The following RPS6KC1 variants were observed in gnomAD, a reference collection of about 807,000 sequenced individuals.
RPS6KC1 encodes the protein inactive ribosomal protein S6 kinase delta-1.
In RPS6KC1, 54 loss-of-function variants were observed where a neutral mutation model predicts 103.8. The ratio of observed to expected loss-of-function variants is 0.52; its 90% CI spans 0.42 to 0.65. The LOEUF (loss-of-function observed/expected upper bound fraction) is 0.65, where lower values mean the gene tolerates loss of function less well. RPS6KC1 is among the 30% of genes least tolerant of loss of function. The pLI, the probability that RPS6KC1 is intolerant of heterozygous loss-of-function variation, is 0.00. For missense variants in RPS6KC1, 1,151 were observed against 1,253.8 expected (o/e 0.92, Z 1.24); for synonymous variants, 439 against 438.7 (o/e 1.00, Z -0.01).
chr1:213,710,423 T>G, the RPS6KC1 span, among the ~76,000 whole-genome samples: 1 of 152,222 alleles, frequency 6.6e-6, no homozygotes, highest in African/African-American at 2.4e-5. Flanking sequence ...GCACGTGAGA[T>G]GAGTCTCCTA....
intron 6 of RPS6KC1, 119 bp downstream of exon 6, chr1:213,130,008 C>A: frequency 9.5e-7 from 1 of 1,052,738 alleles, no homozygotes; most frequent in Non-Finnish European, 1.3e-6. Context: ...TGAGAAATTA[C>A]TGAAGCTTAA....
the RPS6KC1 span, among the ~76,000 whole-genome samples, chr1:213,367,840 A>G: frequency 2.0e-5 from 3 of 152,232 alleles, no homozygotes; most frequent in Non-Finnish European, 2.9e-5. Context: ...ATCTTCAGAA[A>G]TAGTAGAAAG....
chr1:213,166,735 G>C (rs922211523), intron 6 of RPS6KC1, among the ~76,000 whole-genome samples: 2 of 152,168 alleles, frequency 1.3e-5, no homozygotes, highest in African/African-American at 4.8e-5. Flanking sequence ...TCCCAACTTT[G>C]TTGCAGCTTT....
At chr1:213,367,510 C>T in the RPS6KC1 span, among the ~76,000 whole-genome samples, 1 of 152,336 alleles carries the variant, frequency 6.6e-6, no homozygotes, top group African/African-American at 2.4e-5. Context: ...CACGTCTTCA[C>T]ATAGCCTACC....
Position 213,241,433 on chromosome 1 carries a change from G to C in RPS6KC1, c.1957G>C (p.Glu653Gln). 3 of 1,613,978 alleles carry C rather than the reference G, an allele frequency of 1.9e-6. No individual in the cohort carries two copies. Among genetic ancestry groups the C allele is most frequent in the Non-Finnish European group, 2.5e-6 (3 of 1,179,944 alleles). ...RSFNTSESKV[E>Q]FKAQDTISRG... ...TTTTAATACTAGTGAAAGCAAGGTAGAGTTTAAAGCTCAGGACACCATTAG... is the reference window on the plus strand; with the variant it reads ...TTTTAATACTAGTGAAAGCAAGGTACAGTTTAAAGCTCAGGACACCATTAG... The change falls in exon 11 of 15, where the codon GAG becomes CAG. Residue 653 changes from glutamate (E) to glutamine (Q), a missense_variant. Glu to Gln is a conservative substitution (Grantham distance 29). This residue lies in a region of RPS6KC1 where 959 missense variants were observed against 1,006.3 expected (regional missense o/e 0.95). Transcript: ENST00000366960.
chr1:213,686,143 A>T, the RPS6KC1 span, among the ~76,000 whole-genome samples: 7 of 152,332 alleles, frequency 4.6e-5, 1 homozygote, highest in South Asian at 1.5e-3. Context: ...GCCCTCCCCA[A>T]CAATAAAAAA....
the RPS6KC1 span, among the ~76,000 whole-genome samples, chr1:213,312,544 T>C: frequency 6.6e-6 from 1 of 152,068 alleles, no homozygotes; most frequent in Admixed American, 6.6e-5. Context: ...TGCAACTCCA[T>C]CTCCTGCCCT....
chr1:213,068,577 G>A (rs558041473), intron 1 of RPS6KC1, among the ~76,000 whole-genome samples: 1 of 151,706 alleles, frequency 6.6e-6, no homozygotes, highest in East Asian at 1.9e-4. Flanking sequence ...AGGTGTGTGA[G>A]GGGACAGGCT....
chr1:213,428,045 G>C, the RPS6KC1 span, among the ~76,000 whole-genome samples: 1 of 152,168 alleles, frequency 6.6e-6, no homozygotes. Context: ...GAGAAGTCAC[G>C]GTTTGCTACA....
the RPS6KC1 span, among the ~76,000 whole-genome samples, chr1:213,432,188 A>G: frequency 6.6e-6 from 1 of 152,342 alleles, no homozygotes; most frequent in South Asian, 2.1e-4. Context: ...TGGTGTGCAC[A>G]CACATATTTA....
the RPS6KC1 span, among the ~76,000 whole-genome samples, chr1:213,701,986 G>A: frequency 2.0e-5 from 3 of 151,632 alleles, no homozygotes; most frequent in African/African-American, 4.8e-5. Flanking sequence ...TGCTTTTTTA[G>A]TTCTTTAATA....
intron 6 of RPS6KC1, among the ~76,000 whole-genome samples, chr1:213,151,900 A>T (rs564194106): frequency 1.4e-5 from 1 of 69,696 alleles, no homozygotes; most frequent in Non-Finnish European, 2.8e-5. Flanking sequence ...ACCTCCCTCC[A>T]AGACGGGGCG....
chr1:213,086,059 T>TA (rs2080365891), intron 3 of RPS6KC1, among the ~76,000 whole-genome samples: 1 of 152,162 alleles, frequency 6.6e-6, no homozygotes, highest in Non-Finnish European at 1.5e-5. Flanking sequence ...ATAATGGTGT[T>TA]AAAGACTATG....
the RPS6KC1 span, among the ~76,000 whole-genome samples, chr1:213,403,099 G>A: frequency 1.3e-5 from 2 of 151,940 alleles, no homozygotes; most frequent in Admixed American, 6.6e-5. Context: ...CTGCACTCCA[G>A]CCTGGGCGAC....
chr1:213,342,572 G>A, the RPS6KC1 span, among the ~76,000 whole-genome samples: 9 of 152,008 alleles, frequency 5.9e-5, no homozygotes, highest in Non-Finnish European at 1.3e-4. Flanking sequence ...CTGTTTTCAT[G>A]TTCCCATCGA....
chr1:213,677,143 T>A, the RPS6KC1 span, among the ~76,000 whole-genome samples: 1 of 152,192 alleles, frequency 6.6e-6, no homozygotes, highest in East Asian at 1.9e-4. Flanking sequence ...CCAATTAGCA[T>A]CTAGTTCATG....
chr1:213,800,859 C>G, the RPS6KC1 span, among the ~76,000 whole-genome samples: 234 of 152,238 alleles, frequency 1.5e-3, 1 homozygote, highest in Admixed American at 3.5e-3. Context: ...TTTAGCTTCT[C>G]ATTTTGATTA....
At chr1:213,573,950 CAGAT>C in the RPS6KC1 span, among the ~76,000 whole-genome samples, 5 of 152,134 alleles carry the variant, frequency 3.3e-5, no homozygotes, top group African/African-American at 1.2e-4. Flanking sequence ...GCCAGACAGG[CAGAT>C]AGACAGCAGA....
At position 213,273,501 on chromosome 1, in the gene RPS6KC1, T is replaced by C. The variant is rs567539300; in HGVS notation, c.*867T>C. On this transcript the variant is annotated 3_prime_UTR_variant, in exon 15 of 15. Coordinates refer to ENST00000366960, the MANE Select transcript of RPS6KC1 (RefSeq NM_012424.6). ...TCATTTAATAACCCTCCCCCCTTTTTTTCCTTGAAGAAATGCGTCTGTTCC... is the reference window on the plus strand; with the variant it reads ...TCATTTAATAACCCTCCCCCCTTTTCTTCCTTGAAGAAATGCGTCTGTTCC... 5.9e-5 allele frequency: 9 copies of C among 152,774 alleles called. No homozygotes were observed. The South Asian group carries it at 1.7e-3, about 28-fold the overall frequency. 9.5% of individuals were successfully genotyped at this position (152,774 alleles called of 1,614,324 possible).
Sources: allele counts gnomAD v4.1 joint callset (sites outside exome capture counted in the v4.1 genomes callset), GRCh38; gene constraint gnomAD v4.1.1; regional missense constraint gnomAD v4.1.1; transcripts MANE v1.5; gene names NCBI Gene and HGNC (gene_info 2026-07-23, HGNC 2026-07-21).